GALNT13: variants seen among roughly 807,000 people sequenced by gnomAD.
GALNT13 encodes the protein UDP-GalNAc:polypeptide N-acetylgalactosaminyltransferase 13.
Under a neutral mutation model 64.2 loss-of-function variants are expected in GALNT13, and 28 were observed. That is an observed-to-expected ratio of 0.44 (90% CI 0.32 to 0.60). GALNT13 has a LOEUF of 0.60. GALNT13 is among the 20% of genes least tolerant of loss of function. The probability of loss-of-function intolerance (pLI) is 0.05; values close to 1 mark genes in which losing one functional copy is unlikely to be tolerated. For synonymous variants in GALNT13, 214 were observed against 224.6 expected (o/e 0.95, Z 0.42); for missense variants, 577 against 669.8 (o/e 0.86, Z 1.53).
At chr2:153,504,338 G>A in the GALNT13 span, among the ~76,000 whole-genome samples, 3 of 152,202 alleles carry the variant, frequency 2.0e-5, no homozygotes, top group Non-Finnish European at 4.4e-5. Flanking sequence ...AACAGCAACA[G>A]TTTGACTTTC....
intron 3 of GALNT13, among the ~76,000 whole-genome samples, chr2:154,022,097 C>T (rs1326614046): frequency 6.6e-6 from 1 of 152,084 alleles, no homozygotes; most frequent in Non-Finnish European, 1.5e-5. Context: ...CTGCTGGATT[C>T]GGTTTGCCAG....
At chr2:153,546,558 G>T in the GALNT13 span, among the ~76,000 whole-genome samples, 1 of 152,148 alleles carries the variant, frequency 6.6e-6, no homozygotes, top group Non-Finnish European at 1.5e-5. Context: ...CTTCTTGTCA[G>T]GTGTCAGACA....
At chr2:154,146,995 T>G (rs1430858128) in intron 4 of GALNT13, among the ~76,000 whole-genome samples, 2 of 152,146 alleles carry the variant, frequency 1.3e-5, no homozygotes, top group Non-Finnish European at 2.9e-5. Flanking sequence ...GTATGCCTTT[T>G]TTCCGGTTAA....
intron 12 of GALNT13, among the ~76,000 whole-genome samples, chr2:154,446,147 T>C (rs1226269661): frequency 6.6e-6 from 1 of 151,986 alleles, no homozygotes; most frequent in African/African-American, 2.4e-5. Context: ...AATTTGTCCC[T>C]GATATTTATT....
intron 3 of GALNT13, among the ~76,000 whole-genome samples, chr2:154,009,827 C>G (rs1273150644): frequency 6.6e-6 from 1 of 152,134 alleles, no homozygotes; most frequent in Non-Finnish European, 1.5e-5. Flanking sequence ...TGCATCATCT[C>G]TGATTTCTTT....
chr2:153,799,630 A>G, the GALNT13 span, among the ~76,000 whole-genome samples: 2 of 152,088 alleles, frequency 1.3e-5, no homozygotes, highest in South Asian at 2.1e-4. Flanking sequence ...TTATTGTCAG[A>G]AGTTATTTGC....
At chr2:153,390,796 C>T in the GALNT13 span, among the ~76,000 whole-genome samples, 109 of 152,064 alleles carry the variant, frequency 7.2e-4, no homozygotes, top group African/African-American at 2.3e-3. Flanking sequence ...GTTGTGATAA[C>T]GTAAAAGGTG....
intron 1 of GALNT13, among the ~76,000 whole-genome samples, chr2:153,876,973 A>G (rs1463778125): frequency 8.5e-5 from 13 of 152,134 alleles, no homozygotes; most frequent in Non-Finnish European, 8.8e-5. Context: ...GTACACTACC[A>G]TAATTACCTA....
chr2:154,417,187 T>G (rs1700046440), intron 11 of GALNT13, among the ~76,000 whole-genome samples: 1 of 148,938 alleles, frequency 6.7e-6, no homozygotes, highest in East Asian at 2.0e-4. Context: ...TTCCCCAAAC[T>G]CCAGCCTGTC....
At chr2:153,274,832 A>T in the GALNT13 span, among the ~76,000 whole-genome samples, 5 of 152,222 alleles carry the variant, frequency 3.3e-5, no homozygotes. Context: ...CTTCAGGGCA[A>T]TTCATTTTGT....
At chr2:153,543,179 A>C in the GALNT13 span, among the ~76,000 whole-genome samples, 1 of 152,190 alleles carries the variant, frequency 6.6e-6, no homozygotes, top group Non-Finnish European at 1.5e-5. Context: ...AATGCTTGGC[A>C]ATACCCATAT....
At chr2:154,357,815 T>C (rs774755775) in intron 9 of GALNT13, among the ~76,000 whole-genome samples, 1 of 152,046 alleles carries the variant, frequency 6.6e-6, no homozygotes, top group African/African-American at 2.4e-5. Context: ...GTATGCTTCA[T>C]GGAGGATAAT....
chr2:154,121,878 C>A (rs1367552669), intron 3 of GALNT13, among the ~76,000 whole-genome samples: 2 of 151,978 alleles, frequency 1.3e-5, no homozygotes, highest in Admixed American at 6.6e-5. Flanking sequence ...AGATCCAGTA[C>A]AATGTTGACT....
chr2:154,026,026 C>G (rs904989587), intron 3 of GALNT13, among the ~76,000 whole-genome samples: 3 of 151,912 alleles, frequency 2.0e-5, no homozygotes, highest in Non-Finnish European at 4.4e-5. Context: ...CTGAACATTG[C>G]AAATGTGCAT....
At chr2:154,323,593 T>A (rs1694734169) in intron 9 of GALNT13, among the ~76,000 whole-genome samples, 1 of 152,138 alleles carries the variant, frequency 6.6e-6, no homozygotes. Flanking sequence ...CTTCTTTTTA[T>A]CATACAACTT....
chr2:154,242,220 GTTTTTGTT>G, intron 5 of GALNT13, 24 bp downstream of exon 5: 1 of 1,594,852 alleles, frequency 6.3e-7, no homozygotes, highest in African/African-American at 1.4e-5. Context: ...TTTTGTTTTT[GTTTTTGTT>G]TTTTTGTTTT....
chr2:153,850,827 A>G, the GALNT13 span, among the ~76,000 whole-genome samples: 2 of 152,214 alleles, frequency 1.3e-5, no homozygotes, highest in Non-Finnish European at 2.9e-5. Flanking sequence ...GAATAGCAAC[A>G]GAAAGTAGAA....
At chr2:154,371,528 A>C (rs2105311096) in intron 9 of GALNT13, among the ~76,000 whole-genome samples, 1 of 152,228 alleles carries the variant, frequency 6.6e-6, no homozygotes, top group African/African-American at 2.4e-5. Context: ...TCATGAGGAA[A>C]ATCCTATATA....
the GALNT13 span, among the ~76,000 whole-genome samples, chr2:153,106,768 G>A: frequency 1.5e-3 from 225 of 152,136 alleles, 1 homozygote; most frequent in African/African-American, 4.7e-3. Flanking sequence ...TTTTTTCCAC[G>A]GATGTGAGGC....
Sources: gnomAD v4.1 joint callset for allele counts (sites outside exome capture counted in the v4.1 genomes callset) on GRCh38, gnomAD v4.1.1 for gene constraint, MANE v1.5 for transcripts, NCBI Gene and HGNC (gene_info 2026-07-23, HGNC 2026-07-21) for gene names.